Variants in MACROD2 observed in about 807,000 individuals in gnomAD.
The protein encoded by MACROD2 is mono-ADP ribosylhydrolase 2, also known as ADP-ribose glycohydrolase MACROD2.
A neutral mutation model predicts 70.4 loss-of-function variants in MACROD2; 36 were observed. The observed-to-expected ratio is 0.51, with a 90% CI of 0.39 to 0.68. The LOEUF (loss-of-function observed/expected upper bound fraction) is 0.68, where lower values mean the gene tolerates loss of function less well. Ranked by LOEUF, MACROD2 falls within the 30% of genes least tolerant of loss-of-function variation. MACROD2 has a pLI of 0.00. For synonymous variants in MACROD2, 172 were observed against 178.8 expected (o/e 0.96, Z 0.30); for missense variants, 496 against 538.4 (o/e 0.92, Z 0.78).
At chr20:14,687,927 A>G (rs1321231082) in intron 5 of MACROD2, among the ~76,000 whole-genome samples, 2 of 152,202 alleles carry the variant, frequency 1.3e-5, no homozygotes, top group Non-Finnish European at 2.9e-5. Flanking sequence ...ATTTCACAGT[A>G]CTTTCACAAG....
rs564462419 is a variant in MACROD2 at position 14,102,458 on chromosome 20, C to G, written c.271+16730C>G. Among the ~76,000 whole-genome samples, 14 of 152,238 alleles carry G rather than the reference C, an allele frequency of 9.2e-5. 1 individual carries two copies. In the South Asian group the frequency reaches 2.7e-3, roughly 29 times the overall value. On this transcript the variant is annotated intron_variant, in intron 3 of 17. Transcript: ENST00000684519. ...TAAACAATTAACAGCTGGCTACAAA[C>G]TACTTATAGAATGATACTGTTAAAG...
intron 8 of MACROD2, among the ~76,000 whole-genome samples, chr20:15,681,362 G>A (rs959030850): frequency 9.2e-5 from 14 of 152,134 alleles, no homozygotes; most frequent in Admixed American, 3.9e-4. Flanking sequence ...AAAAACAGGG[G>A]GGCCTAGTGA....
intron 5 of MACROD2, among the ~76,000 whole-genome samples, chr20:14,707,676 C>A (rs1181010330): frequency 6.6e-6 from 1 of 152,126 alleles, no homozygotes; most frequent in Admixed American, 6.5e-5. Context: ...TATTTTTGAC[C>A]AGAACCTTAT....
chr20:15,182,865 A>T (rs2076509894), intron 5 of MACROD2, among the ~76,000 whole-genome samples: 3 of 152,296 alleles, frequency 2.0e-5, no homozygotes, highest in Admixed American at 2.0e-4. Flanking sequence ...GCTTTCATTG[A>T]TGTGACGTCT....
At chr20:15,148,212 G>A (rs2076244470) in intron 5 of MACROD2, among the ~76,000 whole-genome samples, 2 of 151,962 alleles carry the variant, frequency 1.3e-5, no homozygotes, top group East Asian at 3.9e-4. Flanking sequence ...GAGAGATTAA[G>A]CTGAAGGAAG....
intron 5 of MACROD2, among the ~76,000 whole-genome samples, chr20:15,003,578 A>T (rs1009460858): frequency 1.3e-5 from 2 of 152,204 alleles, no homozygotes; most frequent in Admixed American, 6.5e-5. Context: ...AATTATATCC[A>T]ACAGTAAGCT....
chr20:14,710,110 G>T (rs1231342111), intron 5 of MACROD2, among the ~76,000 whole-genome samples: 1 of 152,164 alleles, frequency 6.6e-6, no homozygotes, highest in African/African-American at 2.4e-5. Flanking sequence ...GCAGCGGTCA[G>T]AAGATAATTC....
chr20:14,240,501 T>A (rs901349160), intron 3 of MACROD2, among the ~76,000 whole-genome samples: 3 of 152,162 alleles, frequency 2.0e-5, no homozygotes, highest in African/African-American at 7.2e-5. Flanking sequence ...TGGAATACTA[T>A]ACAGCCCCCC....
chr20:14,301,967 A>G (rs984731596), intron 3 of MACROD2, among the ~76,000 whole-genome samples: 1 of 152,226 alleles, frequency 6.6e-6, no homozygotes, highest in African/African-American at 2.4e-5. Context: ...ATAAAAATGT[A>G]GAAAACAAAT....
intron 15 of MACROD2, among the ~76,000 whole-genome samples, chr20:15,989,086 T>A (rs2066523529): frequency 1.3e-5 from 2 of 152,164 alleles, no homozygotes; most frequent in African/African-American, 4.8e-5. Flanking sequence ...GGTGCAAATT[T>A]AATAAGTAAA....
At chr20:14,375,411 G>A (rs2083362433) in intron 3 of MACROD2, among the ~76,000 whole-genome samples, 1 of 152,128 alleles carries the variant, frequency 6.6e-6, no homozygotes, top group South Asian at 2.1e-4. Flanking sequence ...AGGATACCCT[G>A]TTTCTGAAGG....
intron 9 of MACROD2, among the ~76,000 whole-genome samples, chr20:15,865,389 TAAC>T (rs149367793): frequency 0.16 from 24,158 of 151,986 alleles, 2,137 homozygotes; most frequent in South Asian, 0.34. Flanking sequence ...TTTAATAACA[TAAC>T]AATAATGGTT....
chr20:16,015,152 T>C (rs2066912870), intron 15 of MACROD2, among the ~76,000 whole-genome samples: 1 of 152,216 alleles, frequency 6.6e-6, no homozygotes, highest in Non-Finnish European at 1.5e-5. Context: ...TGGTCATTTG[T>C]TTTTAATTTA....
At chr20:14,444,400 A>G (rs2084160461) in intron 3 of MACROD2, among the ~76,000 whole-genome samples, 1 of 152,046 alleles carries the variant, frequency 6.6e-6, no homozygotes, top group Admixed American at 6.5e-5. Context: ...CTTGGCTGCT[A>G]GGACACCACA....
intron 4 of MACROD2, among the ~76,000 whole-genome samples, chr20:14,638,967 A>T (rs1253252509): frequency 6.6e-6 from 1 of 150,840 alleles, no homozygotes; most frequent in Non-Finnish European, 1.5e-5. Context: ...AAAAAAAAAG[A>T]AAGAATTAAA....
intron 5 of MACROD2, chr20:14,929,229 G>T (rs1374725783): frequency 1.3e-4 from 20 of 152,100 alleles, no homozygotes; most frequent in Admixed American, 1.3e-3. Context: ...CAGTCCCACA[G>T]ACTGCTCCAC....
chr20:14,660,924 T>C (rs1339468822), intron 4 of MACROD2, among the ~76,000 whole-genome samples: 1 of 152,160 alleles, frequency 6.6e-6, no homozygotes, highest in Non-Finnish European at 1.5e-5. Flanking sequence ...ATGGTACATA[T>C]GTACCACATT....
chr20:14,640,262 A>T (rs564801356), intron 4 of MACROD2, among the ~76,000 whole-genome samples: 1 of 152,302 alleles, frequency 6.6e-6, no homozygotes, highest in East Asian at 1.9e-4. Flanking sequence ...AAATATTGAG[A>T]TTTCTATAGC....
intron 3 of MACROD2, among the ~76,000 whole-genome samples, chr20:14,124,918 C>T (rs73084834): frequency 0.028 from 4,249 of 152,136 alleles, 98 homozygotes; most frequent in Non-Finnish European, 0.041. Flanking sequence ...CATCTTCTGA[C>T]GAATGGATAC....
Sources: gnomAD v4.1 joint callset for allele counts (sites outside exome capture counted in the v4.1 genomes callset) on GRCh38, gnomAD v4.1.1 for gene constraint, MANE v1.5 for transcripts, NCBI Gene and HGNC (gene_info 2026-07-23, HGNC 2026-07-21) for gene names.